Variants in PTPRN2 observed in about 807,000 individuals in gnomAD.
The protein encoded by PTPRN2 is protein tyrosine phosphatase receptor type N2.
PTPRN2 carries 74 observed loss-of-function variants against 118.8 expected under a neutral mutation model. The observed-to-expected ratio is 0.62, with a 90% CI of 0.52 to 0.76. The LOEUF (loss-of-function observed/expected upper bound fraction) is 0.76. Among genes scored for constraint, PTPRN2 ranks in the 30% least tolerant of loss-of-function variants. The pLI is 0.00. For synonymous variants in PTPRN2, 641 were observed against 608.0 expected (o/e 1.05, Z -0.80); for missense variants, 1,481 against 1,394.4 (o/e 1.06, Z -0.99).
At chr7:157,767,713 C>T (rs564987129) in intron 12 of PTPRN2, among the ~76,000 whole-genome samples, 298 of 152,326 alleles carry the variant, frequency 2.0e-3, no homozygotes, top group African/African-American at 6.5e-3. Flanking sequence ...TGTCTATACT[C>T]CTGCTCCTCT....
chr7:157,886,903 C>T (rs967060555), intron 12 of PTPRN2, among the ~76,000 whole-genome samples: 5 of 32,064 alleles, frequency 1.6e-4, no homozygotes, highest in African/African-American at 6.1e-4. Context: ...AGGTCCTTGT[C>T]ACAGATCCAA....
chr7:157,838,698 C>T (rs547909198), intron 12 of PTPRN2, among the ~76,000 whole-genome samples: 1 of 2,626 alleles, frequency 3.8e-4, no homozygotes, highest in Non-Finnish European at 6.5e-4. Flanking sequence ...GTGGATGGCA[C>T]GGGAGAAAGC....
At chr7:158,454,139 T>A (rs1393724359) in intron 2 of PTPRN2, among the ~76,000 whole-genome samples, 2 of 151,712 alleles carry the variant, frequency 1.3e-5, no homozygotes, top group South Asian at 4.2e-4. Flanking sequence ...CAATCACCGA[T>A]GTCAGGATTG....
chr7:158,333,635 C>T (rs1379953857), intron 2 of PTPRN2, among the ~76,000 whole-genome samples: 1 of 151,380 alleles, frequency 6.6e-6, no homozygotes, highest in Non-Finnish European at 1.5e-5. Flanking sequence ...CTACAGACAT[C>T]ACTCACACCC....
rs552006143 is a variant in PTPRN2, at chr7:158,187,486, G to A, written c.549+4841C>T. 3.0e-4 allele frequency among the ~76,000 whole-genome samples: 45 copies of A among 152,284 alleles called. No individual in the cohort carries two copies. The South Asian group carries it at 8.3e-3, about 28-fold the overall frequency. On this transcript the variant is annotated intron_variant, in intron 5 of 22. Transcript: ENST00000389418. ...ATCTCTAAGTCCCTATATTTACGGG[G>A]CAGCAAAATCTGCACGGCAGCGCTG...
intron 9 of PTPRN2, among the ~76,000 whole-genome samples, 199 bp downstream of exon 9, chr7:158,133,478 A>G (rs1818542473): frequency 6.6e-6 from 1 of 152,212 alleles, no homozygotes; most frequent in South Asian, 2.1e-4. Context: ...AGCCCAGCTC[A>G]GAAGCATCAG....
rs563660888 is a variant in PTPRN2 at position 157,845,561 on chromosome 7, C to T, written c.1788+53112G>A. ...GTGAACCATGCAGCCTAACTCACCACGTTCCCGGCCACACAGGGCCAAGAA... is the reference window on the plus strand; with the variant it reads ...GTGAACCATGCAGCCTAACTCACCATGTTCCCGGCCACACAGGGCCAAGAA... On this transcript the variant is annotated intron_variant, in intron 12 of 22. Coordinates refer to ENST00000389418, the MANE Select transcript of PTPRN2 (RefSeq NM_002847.5). This position sits in a 1 kb window ranked among gnomAD's most constrained non-coding sequence, Gnocchi z 4.5. Among the ~76,000 whole-genome samples, 6 of 152,112 alleles carry T rather than the reference C, an allele frequency of 3.9e-5. No individual in the cohort carries two copies. The highest frequency in any genetic ancestry group is 2.1e-4 in the South Asian group (1 of 4,796).
chr7:158,489,887 G>C lies in PTPRN2; in HGVS notation c.113-102C>G, dbSNP rs370768827. 906 of 1,107,018 alleles carry C rather than the reference G, an allele frequency of 8.2e-4. 7 individuals carry two copies. In the African/African-American group the frequency reaches 0.013, roughly 15 times the overall value. The allele number at this position is 1,107,018 out of a possible 1,614,324, so 68.6% of individuals were successfully genotyped here. The stretch of plus-strand genomic sequence containing the variant: ...CCTGGTGAATTTCAGAGAAACCGCC[G>C]GTCAAGCAGGCTCCTCCGACCCGGC... On this transcript the variant is annotated intron_variant, in intron 1 of 22. Coordinates refer to ENST00000389418, the MANE Select transcript of PTPRN2 (RefSeq NM_002847.5).
intron 2 of PTPRN2, among the ~76,000 whole-genome samples, chr7:158,485,296 C>T (rs1036287698): frequency 6.6e-6 from 1 of 152,046 alleles, no homozygotes; most frequent in African/African-American, 2.4e-5. Flanking sequence ...TGGGCTCCAG[C>T]GCTATGGTGT....
chr7:158,089,591 A>T (rs200326397), intron 10 of PTPRN2, among the ~76,000 whole-genome samples: 2,476 of 56,490 alleles, frequency 0.044, 3 homozygotes, highest in East Asian at 0.11. Flanking sequence ...GGGAGTCTTC[A>T]CACAAACCTT....
chr7:158,363,078 A>T (rs1229877503), intron 2 of PTPRN2, among the ~76,000 whole-genome samples: 2 of 151,970 alleles, frequency 1.3e-5, no homozygotes, highest in African/African-American at 4.8e-5. Flanking sequence ...GCCGAGGGGG[A>T]CAGGACCCGT....
intron 2 of PTPRN2, among the ~76,000 whole-genome samples, chr7:158,352,096 G>A (rs1808015064): frequency 1.2e-5 from 1 of 80,444 alleles, no homozygotes; most frequent in Admixed American, 1.3e-4. Context: ...CCTCCTGTCC[G>A]CTCCCCTCCT....
chr7:158,131,301 A>C (rs4909268), intron 9 of PTPRN2, among the ~76,000 whole-genome samples: 47,126 of 149,492 alleles, frequency 0.32, 7,789 homozygotes, highest in East Asian at 0.44. Context: ...GCACATCATA[A>C]AAATACACAT....
At chr7:157,754,045 G>A (rs1290383490) in intron 12 of PTPRN2, among the ~76,000 whole-genome samples, 1 of 152,250 alleles carries the variant, frequency 6.6e-6, no homozygotes, top group African/African-American at 2.4e-5. Context: ...GTGAGAGGCT[G>A]GGAGGACCAG....
intron 4 of PTPRN2, among the ~76,000 whole-genome samples, chr7:158,196,787 G>A (rs1476161738): frequency 2.6e-5 from 4 of 152,154 alleles, no homozygotes; most frequent in East Asian, 1.9e-4. Flanking sequence ...GCCAGAAGAC[G>A]ATGGAAAACA....
intron 6 of PTPRN2, among the ~76,000 whole-genome samples, chr7:158,146,509 C>A (rs1489878525): frequency 3.3e-5 from 5 of 151,928 alleles, no homozygotes; most frequent in African/African-American, 1.2e-4. Flanking sequence ...ATCACGAGGT[C>A]AGGAGATCAA....
intron 21 of PTPRN2, among the ~76,000 whole-genome samples, chr7:157,568,210 C>T (rs1462849413): frequency 1.3e-5 from 2 of 152,188 alleles, no homozygotes; most frequent in East Asian, 1.9e-4. Flanking sequence ...GACCCATCCT[C>T]GCACCCTGCG....
At chr7:157,887,567 ATG>A (rs1796543187) in intron 12 of PTPRN2, among the ~76,000 whole-genome samples, 1 of 9,926 alleles carries the variant, frequency 1.0e-4, no homozygotes, top group Non-Finnish European at 1.6e-4. Context: ...CTCCCAGTAC[ATG>A]GTCCCCCAGT....
At chr7:158,007,871 T>C (rs959882712) in intron 11 of PTPRN2, among the ~76,000 whole-genome samples, 5 of 147,772 alleles carry the variant, frequency 3.4e-5, no homozygotes, top group African/African-American at 1.3e-4. Flanking sequence ...TGTGGATGCA[T>C]GCATGTGCAC....
Sources: gnomAD v4.1 joint callset for allele counts (sites outside exome capture counted in the v4.1 genomes callset) on GRCh38, gnomAD v4.1.1 for gene constraint, Gnocchi (gnomAD v3.1) non-coding constraint, MANE v1.5 for transcripts, NCBI Gene and HGNC (gene_info 2026-07-23, HGNC 2026-07-21) for gene names.